Variants in TACC3 observed in about 807,000 individuals in gnomAD.
TACC3 encodes the protein transforming acidic coiled-coil containing protein 3, also known as transforming acidic coiled-coil-containing protein 3.
TACC3 carries 52 observed loss-of-function variants against 86.0 expected under a neutral mutation model. The observed-to-expected ratio is 0.60, with a 90% CI of 0.48 to 0.76. The LOEUF is 0.76. Among genes scored for constraint, TACC3 ranks in the 30% least tolerant of loss-of-function variants. The probability of loss-of-function intolerance (pLI) is 0.00; values close to 1 mark genes in which losing one functional copy is unlikely to be tolerated. For missense variants in TACC3, 1,120 were observed against 1,070.4 expected, an observed-to-expected ratio of 1.05 and a Z score of -0.65; for synonymous variants, 512 against 430.0, an observed-to-expected ratio of 1.19 and a Z score of -2.36.
intron 6 of TACC3, among the ~76,000 whole-genome samples, chr4:1,734,094 G>A (rs1164690657): frequency 6.6e-6 from 1 of 152,204 alleles, no homozygotes; most frequent in African/African-American, 2.4e-5. Context: ...AGGAGAGAAT[G>A]AGCAAATACT....
chr4:1,728,536 G>T lies in TACC3; in HGVS notation c.1134G>T (p.Pro378=). 3 of 1,613,996 alleles carry T rather than the reference G, an allele frequency of 1.9e-6. No individual in the cohort carries two copies. Among genetic ancestry groups the T allele is most frequent in the Non-Finnish European group, 2.5e-6 (3 of 1,179,980 alleles). Residue 378 remains proline (P), a synonymous_variant, in exon 4 of 16, where the codon CCG becomes CCT. Transcript: ENST00000313288. ...RKAAVRQQKA[P]QEVEEDDGRS... ...CAGCAGTGAGGCAGCAAAAGGCCCC[G>T]CAGGAGGTGGAGGAGGACGACGGTA...
intron 8 of TACC3, among the ~76,000 whole-genome samples, chr4:1,736,443 A>AAAAC (rs1560314677): frequency 6.6e-6 from 1 of 151,444 alleles, no homozygotes; most frequent in East Asian, 1.9e-4. Context: ...AAAAAAAAAA[A>AAAAC]AACCAAAAAA....
At position 1,723,710 on chromosome 4, in the gene TACC3, C is replaced by T; in HGVS notation, c.163-18C>T. The T allele has an allele frequency of 1.2e-6, 2 of 1,613,594 alleles. No homozygotes were observed. Among genetic ancestry groups the T allele is most frequent in the Non-Finnish European group, 1.7e-6 (2 of 1,179,992 alleles). On this transcript the variant is annotated intron_variant, in intron 2 of 15. Coordinates refer to ENST00000313288, the MANE Select transcript of TACC3 (RefSeq NM_006342.3). ...CTTGAACTAATGAATAGGTGCTCTCCTCCTCACTCCGCAACAGGTGACTTT... is the reference window on the plus strand; with the variant it reads ...CTTGAACTAATGAATAGGTGCTCTCTTCCTCACTCCGCAACAGGTGACTTT...
In TACC3 at chr4:1,723,618, G is replaced by A. The variant is rs746597739; in HGVS notation, c.162+35G>A. The A allele has an allele frequency of 2.5e-6, 4 of 1,609,002 alleles. No individual in the cohort carries two copies. In the South Asian group the frequency reaches 4.4e-5, roughly 18 times the overall value. On this transcript the variant is annotated intron_variant, in intron 2 of 15. Coordinates refer to ENST00000313288, the MANE Select transcript of TACC3 (RefSeq NM_006342.3). ...ACCTGTACAGTGTGTGGCTGGCCAG[G>A]TTGCCCTAGGGCCTGCTTTCTTGGT... is the stretch of plus-strand genomic sequence containing the variant.
chr4:1,740,985 A>G lies in TACC3; in HGVS notation c.2222A>G (p.Lys741Arg). 1 of 1,605,058 alleles carries G rather than the reference A, an allele frequency of 6.2e-7. No individual in the cohort carries two copies. Among genetic ancestry groups the G allele is most frequent in the South Asian group, 1.1e-5 (1 of 89,372 alleles). ...AAAGAGGTGATCGAGGGCTACCGCA[A>G]GGTATGTCTCCGCCACCCTGGTGTC... ...KQKEVIEGYR[K>R]NEESLKKCVE... is the part of the protein sequence containing the mutation. Residue 741 changes from lysine (K) to arginine (R), a missense_variant and splice_region_variant, in exon 13 of 16, where the codon AAG becomes AGG. Physicochemically the swap from Lys to Arg is conservative, Grantham distance 26. Transcript: ENST00000313288.
intron 3 of TACC3, 132 bp from the exon 4 acceptor site, chr4:1,727,576 G>A: frequency 7.0e-7 from 1 of 1,427,728 alleles, no homozygotes; most frequent in Non-Finnish European, 9.4e-7. Context: ...GTGGAGAACG[G>A]GAAGCCGTGC....
At position 1,731,177 on chromosome 4, in the gene TACC3, A is replaced by C; in HGVS notation, c.1467A>C (p.Arg489Ser). 1 of 1,613,242 alleles carries C rather than the reference A, an allele frequency of 6.2e-7. No homozygotes were observed. Among genetic ancestry groups the C allele is most frequent in the South Asian group, 1.1e-5 (1 of 91,080 alleles). The change falls in exon 6 of 16, where the codon AGA becomes AGC. Residue 489 changes from arginine to serine, a missense_variant. Arg to Ser is a moderately radical substitution (Grantham distance 110). Transcript: ENST00000313288. Reference sequence around the variant, plus strand: ...GACTCTGCCCTTTCCTCCAGGAGAGAGCCTTGAACTCTGCCAGCACCTCGC... The same window carrying C: ...GACTCTGCCCTTTCCTCCAGGAGAGCGCCTTGAACTCTGCCAGCACCTCGC... ...AETPTAESKE[R>S]ALNSASTSLP...
intron 13 of TACC3, chr4:1,742,065 C>G (rs949238425): frequency 6.6e-6 from 1 of 152,128 alleles, no homozygotes; most frequent in East Asian, 1.9e-4. Flanking sequence ...ACTGCACCCC[C>G]AGCCTGGGCA....
rs534927202 is a variant in TACC3 at position 1,731,487 on chromosome 4, G to A, written c.1591+186G>A. Among the ~76,000 whole-genome samples the A allele has an allele frequency of 2.2e-4, 33 of 152,262 alleles. No individual in the cohort carries two copies. In the South Asian group the frequency reaches 2.5e-3, roughly 11 times the overall value. ...AACTTAGTCAGTGTTAGGAGAGCAG[G>A]GCTCATACCTTTAACATAAAAGACT... On this transcript the variant is annotated intron_variant, in intron 6 of 15. Transcript: ENST00000313288.
rs1307420782 is a variant in TACC3 at position 1,741,262 on chromosome 4, CTG to C, written c.2223+279_2223+280del. The C allele has an allele frequency of 3.2e-5, 10 of 312,914 alleles. No homozygotes were observed. The South Asian group carries it at 5.8e-4, about 18-fold the overall frequency. 19.4% of individuals were successfully genotyped at this position (312,914 alleles called of 1,614,324 possible). ...AGACGACTCGGCTATGATCAGGCATCTGTGAGATTTGAGACAGCGCTGGTGCA... is the reference window on the plus strand; with the variant it reads ...AGACGACTCGGCTATGATCAGGCATCTGAGATTTGAGACAGCGCTGGTGCA... On this transcript the variant is annotated intron_variant, in intron 13 of 15. Transcript: ENST00000313288.
intron 15 of TACC3, 27 bp from the exon 16 acceptor site, chr4:1,744,921 G>C: frequency 6.2e-7 from 1 of 1,611,368 alleles, no homozygotes; most frequent in South Asian, 1.1e-5. Context: ...GCAGGGAGAA[G>C]CCCCGCAACT....
In TACC3 at chr4:1,727,784, CT is replaced by C; in HGVS notation, c.383del (p.Leu128ProfsTer64). ...LQKPVEADTD[L>X]LGDASPAFGS... ...GAAACCAGTGGAGGCTGACACCGACCTCCTGGGGGATGCAAGCCCAGCCTTT... is the reference window on the plus strand; with the variant it reads ...GAAACCAGTGGAGGCTGACACCGACCCCTGGGGGATGCAAGCCCAGCCTTT... On this transcript the variant is annotated frameshift_variant, in exon 4 of 16. Coordinates refer to ENST00000313288, the MANE Select transcript of TACC3 (RefSeq NM_006342.3). LOFTEE classifies it high-confidence loss of function. 1 of 1,612,976 alleles carries C rather than the reference CT, an allele frequency of 6.2e-7. No individual in the cohort carries two copies. Among genetic ancestry groups the C allele is most frequent in the Non-Finnish European group, 8.5e-7 (1 of 1,179,836 alleles).
At chr4:1,744,486 G>A in intron 13 of TACC3, 32 bp from the exon 14 acceptor site, 1 of 1,598,530 alleles carries the variant, frequency 6.3e-7, no homozygotes, top group Non-Finnish European at 8.6e-7. Flanking sequence ...CAGACGGCGT[G>A]GTACCCACAG....
rs1718323539 is a variant in TACC3, at chr4:1,737,316, A to G, written c.1824A>G (p.Ala608=). The G allele has an allele frequency of 1.9e-6, 3 of 1,614,074 alleles. No homozygotes were observed. In the East Asian group the frequency reaches 6.7e-5, roughly 36 times the overall value. ...TTGTGGAGTTCGATTTCTTGGGAGC[A>G]CTGGACATTCCTGTAAGTCCTTGAG... ...AKLVEFDFLG[A]LDIPVPGPPP... is the part of the protein sequence containing the mutation. The change falls in exon 9 of 16, where the codon GCA becomes GCG. Residue 608 remains alanine (A), a synonymous_variant. Transcript: ENST00000313288.
At chr4:1,729,320 G>C (rs1370264170) in intron 4 of TACC3, among the ~76,000 whole-genome samples, 1 of 152,136 alleles carries the variant, frequency 6.6e-6, no homozygotes. Context: ...GCATAGACAA[G>C]AGATTGTACA....
At chr4:1,737,196 C>A in intron 8 of TACC3, 45 bp from the exon 9 acceptor site, 1 of 1,520,904 alleles carries the variant, frequency 6.6e-7, no homozygotes, top group Non-Finnish European at 9.1e-7. Context: ...TCCTACTCAA[C>A]ACTGGGAGGG....
At chr4:1,739,031 G>A (rs1307198864) in intron 10 of TACC3, among the ~76,000 whole-genome samples, 9 of 152,176 alleles carry the variant, frequency 5.9e-5, no homozygotes, top group Non-Finnish European at 8.8e-5. Context: ...AGATCTGGCC[G>A]GGTGCAGTGG....
chr4:1,724,453 C>T lies in TACC3; in HGVS notation c.305+583C>T, dbSNP rs545369878. Among the ~76,000 whole-genome samples the T allele has an allele frequency of 1.2e-4, 16 of 132,334 alleles. No homozygotes were observed. The East Asian group carries it at 3.5e-3, about 29-fold the overall frequency. The allele number at this position is 132,334 out of a possible 152,430, so 86.8% of individuals were successfully genotyped here. A position where few individuals can be genotyped will look rare whatever the true frequency, so the allele number is the denominator to read the frequency against. On this transcript the variant is annotated intron_variant, in intron 3 of 15. Coordinates refer to ENST00000313288, the MANE Select transcript of TACC3 (RefSeq NM_006342.3). ...TCACCCAGGCTGGAGTGCAGTGGCT[C>T]GATTTCGGCTCACTGCAAACTCCAC...
rs751907182 is a variant in TACC3, at chr4:1,723,540, A to C, written c.119A>C (p.Gln40Pro). The change falls in exon 2 of 16, where the codon CAG becomes CCG. Residue 40 changes from glutamine (Q) to proline (P), a missense_variant. Coordinates refer to ENST00000313288, the MANE Select transcript of TACC3 (RefSeq NM_006342.3). ...TGRSSVLRVS[Q>P]KENVPPKNLA... ...AGATCGTCTGTTCTTCGTGTGTCAC[A>C]GAAAGAAAATGTGCCACCCAAGAAC... 1 of 1,613,652 alleles carries C rather than the reference A, an allele frequency of 6.2e-7. No homozygotes were observed. The highest frequency in any genetic ancestry group is 8.5e-7 in the Non-Finnish European group (1 of 1,179,968).
Sources: allele counts gnomAD v4.1 joint callset (sites outside exome capture counted in the v4.1 genomes callset), GRCh38; gene constraint gnomAD v4.1.1; transcripts MANE v1.5; gene names NCBI Gene and HGNC (gene_info 2026-07-23, HGNC 2026-07-21).